Variants in TMIGD3 observed in about 807,000 individuals in gnomAD.
The protein encoded by TMIGD3 is transmembrane and immunoglobulin domain containing 3, also known as AD026 protein (AD026).
A neutral mutation model predicts 28.1 loss-of-function variants in TMIGD3; 21 were observed. The observed-to-expected ratio is 0.75, with a 90% CI of 0.53 to 1.08. The LOEUF (loss-of-function observed/expected upper bound fraction) is 1.08, where lower values mean the gene tolerates loss of function less well. Ranked by LOEUF, TMIGD3 falls within the 50% of genes least tolerant of loss-of-function variation. TMIGD3 has a pLI of 0.00. For missense variants in TMIGD3, 416 were observed against 435.6 expected (o/e 0.96, Z 0.40); for synonymous variants, 151 against 162.1 (o/e 0.93, Z 0.52).
At chr1:111,560,811 G>A (rs982387882) in intron 1 of TMIGD3, among the ~76,000 whole-genome samples, 2 of 152,122 alleles carry the variant, frequency 1.3e-5, no homozygotes, top group African/African-American at 2.4e-5. Flanking sequence ...GTTCTTGATC[G>A]TCTTAGAGAC....
chr1:111,507,009 ATGTGTGTGTGTG>A (rs1257817741), upstream of TMIGD3, among the ~76,000 whole-genome samples: 3 of 132,180 alleles, frequency 2.3e-5, no homozygotes, highest in Non-Finnish European at 4.8e-5. Context: ...ACACACACAT[ATGTGTGTGTGTG>A]TGTGTGTGTG....
At chr1:111,524,309 G>A (rs569301469) in intron 1 of TMIGD3, among the ~76,000 whole-genome samples, 19 of 151,892 alleles carry the variant, frequency 1.3e-4, no homozygotes, top group Non-Finnish European at 2.5e-4. Context: ...GATTACAGGC[G>A]TGAGCCATCG....
intron 1 of TMIGD3, among the ~76,000 whole-genome samples, chr1:111,502,286 AAATATATAGGATATATATTCATTATAATG>A (rs1655259321): frequency 5.2e-5 from 1 of 19,094 alleles, no homozygotes; most frequent in Non-Finnish European, 1.2e-4. Flanking sequence ...TCATTATAAT[AAATATATAGGATATATATTCATTATAATG>A]AATATATATA....
In TMIGD3 at chr1:111,540,956, C is replaced by T. The variant is rs76538148; in HGVS notation, c.107+22890G>A. 5.6e-3 allele frequency among the ~76,000 whole-genome samples: 859 copies of T among 152,238 alleles called. 7 individuals are homozygous for T. The highest frequency in any genetic ancestry group is 0.019 in the African/African-American group (775 of 41,540). The stretch of plus-strand genomic sequence containing the variant: ...CTTTAATCAAATGCCTATGGAACGA[C>T]GGTTGGCAAACTTTTTCTGAAAAGG... On this transcript the variant is annotated intron_variant, in intron 1 of 5. Coordinates refer to the TMIGD3 transcript ENST00000369717.
intron 1 of TMIGD3, among the ~76,000 whole-genome samples, chr1:111,513,414 A>G (rs1338075728): frequency 2.0e-5 from 3 of 152,180 alleles, no homozygotes. Context: ...ATTTATTTGT[A>G]TTTTCTCTTG....
chr1:111,534,770 T>C (rs150653321), intron 1 of TMIGD3, among the ~76,000 whole-genome samples: 142 of 152,220 alleles, frequency 9.3e-4, no homozygotes, highest in African/African-American at 3.3e-3. Flanking sequence ...TTTGTGCATG[T>C]ATGAGAATGT....
chr1:111,494,946 CAGA>C (rs1654825449), intron 1 of TMIGD3, among the ~76,000 whole-genome samples: 1 of 152,182 alleles, frequency 6.6e-6, no homozygotes, highest in Non-Finnish European at 1.5e-5. Flanking sequence ...TAGCCATATG[CAGA>C]AGATTGAAAC....
intron 1 of TMIGD3, among the ~76,000 whole-genome samples, chr1:111,559,755 T>C (rs1657654456): frequency 6.6e-6 from 1 of 152,212 alleles, no homozygotes; most frequent in South Asian, 2.1e-4. Flanking sequence ...TTTAAAACTT[T>C]CCTTCCTTCA....
intron 1 of TMIGD3, among the ~76,000 whole-genome samples, chr1:111,495,442 T>C (rs915801806): frequency 1.3e-5 from 2 of 152,190 alleles, no homozygotes; most frequent in African/African-American, 4.8e-5. Flanking sequence ...AGAATGGCTA[T>C]TATGAGAACG....
chr1:111,535,126 T>A (rs984913759), intron 1 of TMIGD3, among the ~76,000 whole-genome samples: 1 of 152,192 alleles, frequency 6.6e-6, no homozygotes, highest in African/African-American at 2.4e-5. Flanking sequence ...ACCTACCTTA[T>A]AGACTAATAT....
intron 1 of TMIGD3, among the ~76,000 whole-genome samples, chr1:111,525,459 T>C (rs1034250178): frequency 6.6e-6 from 1 of 152,264 alleles, no homozygotes; most frequent in African/African-American, 2.4e-5. Context: ...CTCTGAAATC[T>C]ACTTTGTTTG....
intron 5 of TMIGD3, chr1:111,485,360 A>G (rs1436042319): frequency 1.8e-5 from 3 of 170,886 alleles, no homozygotes; most frequent in East Asian, 3.3e-4. Context: ...CATCCTGTGT[A>G]TATGAAAAAG....
intron 1 of TMIGD3, among the ~76,000 whole-genome samples, chr1:111,534,502 T>C (rs893772583): frequency 2.0e-5 from 3 of 152,222 alleles, no homozygotes; most frequent in Non-Finnish European, 4.4e-5. Context: ...GTCTCACTCT[T>C]AGATGTTCGG....
In TMIGD3 at chr1:111,485,812, T is replaced by A. The variant is rs148777065; in HGVS notation, c.901A>T (p.Ile301Phe). The A allele has an allele frequency of 1.9e-6, 3 of 1,610,158 alleles. No homozygotes were observed. In the African/African-American group the frequency reaches 4.0e-5, roughly 22 times the overall value. ...ACAGAGATGATTCCCAAACCCGTGA[T>A]CAGTATGCAAATGATGAGAATGGAC... ...RTSILIICIL[I>F]TGLGIISVIS... The change falls in exon 5 of 6, where the codon ATC becomes TTC. Residue 301 changes from isoleucine to phenylalanine, a missense_variant. Transcript: ENST00000369716.
At chr1:111,554,708 T>C (rs539024758) in intron 1 of TMIGD3, among the ~76,000 whole-genome samples, 77 of 152,374 alleles carry the variant, frequency 5.1e-4, no homozygotes, top group Non-Finnish European at 9.3e-4. Context: ...TGTAACCACA[T>C]GTGAGACTTC....
At chr1:111,534,780 T>C (rs951989045) in intron 1 of TMIGD3, among the ~76,000 whole-genome samples, 5 of 152,122 alleles carry the variant, frequency 3.3e-5, no homozygotes, top group Middle Eastern at 3.2e-3. Flanking sequence ...TATGAGAATG[T>C]GCATGTGCAT....
rs149188007 is a variant in TMIGD3 at position 111,519,538 on chromosome 1, G to A, written c.108-28776C>T. ...CAAATGACTCCACAGCCTGTGACACGGAGAGATGTGTAATCAAAGAGAGAC... is the reference window on the plus strand; with the variant it reads ...CAAATGACTCCACAGCCTGTGACACAGAGAGATGTGTAATCAAAGAGAGAC... On this transcript the variant is annotated intron_variant, in intron 1 of 5. Transcript: ENST00000369717. 4.6e-3 allele frequency among the ~76,000 whole-genome samples: 693 copies of A among 152,202 alleles called. 3 individuals carry two copies. The highest frequency in any genetic ancestry group is 6.9e-3 in the Non-Finnish European group (468 of 68,010).
chr1:111,505,017 C>T (rs1431297879), upstream of TMIGD3: 6 of 984,424 alleles, frequency 6.1e-6, no homozygotes, highest in Non-Finnish European at 6.0e-6. Context: ...AAAGCTTCAT[C>T]GGCCTCCAAT....
rs554882801 is a variant in TMIGD3, at chr1:111,528,124, T to G, written c.107+35722A>C. On this transcript the variant is annotated intron_variant, in intron 1 of 5. Coordinates refer to the TMIGD3 transcript ENST00000369717. ...CTCCTGCATTACCTTCTAGGAGTCTTATAGTTTTGCATTTTATGTTTAAGT... is the reference window on the plus strand; with the variant it reads ...CTCCTGCATTACCTTCTAGGAGTCTGATAGTTTTGCATTTTATGTTTAAGT... Among the ~76,000 whole-genome samples the G allele has an allele frequency of 2.9e-4, 44 of 152,358 alleles. 1 individual carries two copies. In the South Asian group the frequency reaches 9.1e-3, roughly 32 times the overall value.
Sources: gnomAD v4.1 joint callset for allele counts (sites outside exome capture counted in the v4.1 genomes callset) on GRCh38, gnomAD v4.1.1 for gene constraint, MANE v1.5 for transcripts, NCBI Gene and HGNC (gene_info 2026-07-23, HGNC 2026-07-21) for gene names.